DYNC1I1: variants seen among roughly 807,000 people sequenced by gnomAD.
DYNC1I1 encodes dynein cytoplasmic 1 intermediate chain 1.
Under a neutral mutation model 86.6 loss-of-function variants are expected in DYNC1I1, and 43 were observed. That is an observed-to-expected ratio of 0.50 (90% confidence interval 0.39 to 0.64). DYNC1I1 has a LOEUF of 0.64. Among genes scored for constraint, DYNC1I1 ranks in the 30% least tolerant of loss-of-function variants. The pLI is 0.00. For synonymous variants in DYNC1I1, 262 were observed against 283.7 expected, an observed-to-expected ratio of 0.92 and a Z score of 0.77; for missense variants, 604 against 788.8, an observed-to-expected ratio of 0.77 and a Z score of 2.81.
chr7:96,101,914 A>T (rs1342646142), downstream of DYNC1I1, among the ~76,000 whole-genome samples: 2 of 152,020 alleles, frequency 1.3e-5, no homozygotes, highest in Admixed American at 1.3e-4. Flanking sequence ...AAAGGCCTAA[A>T]AGATATAGAG....
chr7:95,911,179 A>G (rs745504476), intron 6 of DYNC1I1, among the ~76,000 whole-genome samples: 2 of 152,174 alleles, frequency 1.3e-5, no homozygotes, highest in Admixed American at 6.5e-5. Flanking sequence ...ATAATCCACA[A>G]TTGTCAAAAA....
At chr7:96,013,349 C>T (rs993164410) in intron 10 of DYNC1I1, among the ~76,000 whole-genome samples, 1 of 152,172 alleles carries the variant, frequency 6.6e-6, no homozygotes, top group Admixed American at 6.5e-5. Flanking sequence ...CAAAAAGAAA[C>T]GTAGCACTGT....
chr7:95,788,151 T>C (rs1425151971), intron 1 of DYNC1I1, among the ~76,000 whole-genome samples: 1 of 152,126 alleles, frequency 6.6e-6, no homozygotes, highest in Non-Finnish European at 1.5e-5. Flanking sequence ...TGACTTGACT[T>C]GTGTTTTAAT....
chr7:96,104,669 A>G (rs999020968), intron 16 of DYNC1I1, among the ~76,000 whole-genome samples: 2 of 152,104 alleles, frequency 1.3e-5, no homozygotes, highest in African/African-American at 2.4e-5. Context: ...TTGGTAGAAA[A>G]ACAATTGTCC....
At chr7:95,868,963 G>A (rs535316824) in intron 5 of DYNC1I1, among the ~76,000 whole-genome samples, 2 of 150,218 alleles carry the variant, frequency 1.3e-5, no homozygotes, top group African/African-American at 2.5e-5. Flanking sequence ...GAGGCACTTC[G>A]ATTTTTGCAG....
At chr7:95,939,945 C>A (rs545466961) in intron 6 of DYNC1I1, among the ~76,000 whole-genome samples, 44 of 152,270 alleles carry the variant, frequency 2.9e-4, no homozygotes, top group Non-Finnish European at 7.3e-5. Context: ...CCAATTGTTC[C>A]TTTCCATGTT....
At chr7:95,960,409 A>G (rs1444917824) in intron 6 of DYNC1I1, among the ~76,000 whole-genome samples, 1 of 152,072 alleles carries the variant, frequency 6.6e-6, no homozygotes, top group Non-Finnish European at 1.5e-5. Flanking sequence ...GCCCGGCCAA[A>G]TGCTGGAATT....
chr7:95,934,952 T>TTG (rs145382652), intron 6 of DYNC1I1, among the ~76,000 whole-genome samples: 2,490 of 149,044 alleles, frequency 0.017, 33 homozygotes, highest in African/African-American at 0.03. Flanking sequence ...GTTTTTTGTT[T>TTG]TGTGTGTGTG....
At chr7:96,004,264 T>G (rs944839505) in intron 10 of DYNC1I1, among the ~76,000 whole-genome samples, 6 of 152,208 alleles carry the variant, frequency 3.9e-5, no homozygotes, top group African/African-American at 1.4e-4. Context: ...AAGATGTTGC[T>G]TTTATTAGGT....
At chr7:95,888,797 A>G (rs2116257980) in intron 6 of DYNC1I1, among the ~76,000 whole-genome samples, 1 of 152,322 alleles carries the variant, frequency 6.6e-6, no homozygotes, top group South Asian at 2.1e-4. Flanking sequence ...TAATTTTTCT[A>G]CTTCTGGGCA....
intron 1 of DYNC1I1, among the ~76,000 whole-genome samples, chr7:95,782,453 A>G (rs886610202): frequency 2.0e-5 from 3 of 152,150 alleles, no homozygotes; most frequent in African/African-American, 7.2e-5. Flanking sequence ...GGGACTTGCA[A>G]TAGAGGTGTT....
At chr7:95,992,190 C>A (rs1236015101) in intron 9 of DYNC1I1, among the ~76,000 whole-genome samples, 2 of 152,130 alleles carry the variant, frequency 1.3e-5, no homozygotes. Context: ...GCTTCTGCCT[C>A]TGTCTTAGCA....
chr7:95,808,233 T>C (rs939995616), intron 2 of DYNC1I1, among the ~76,000 whole-genome samples: 32 of 152,162 alleles, frequency 2.1e-4, no homozygotes, highest in African/African-American at 7.7e-4. Flanking sequence ...TTTTATAAAC[T>C]TTCTTTAGGC....
chr7:95,945,216 G>A (rs929696176), intron 6 of DYNC1I1, among the ~76,000 whole-genome samples: 1 of 151,630 alleles, frequency 6.6e-6, no homozygotes, highest in Non-Finnish European at 1.5e-5. Flanking sequence ...AGGTAGAGGG[G>A]GGAAAAAAGA....
chr7:96,017,103 CTCTT>C (rs1210536144), intron 10 of DYNC1I1, among the ~76,000 whole-genome samples: 1 of 152,162 alleles, frequency 6.6e-6, no homozygotes, highest in Non-Finnish European at 1.5e-5. Flanking sequence ...CAAATTGGAA[CTCTT>C]TCTTCTGTCT....
chr7:96,059,706 A>T lies in DYNC1I1; in HGVS notation c.1510-16351A>T, dbSNP rs530382269. ...TCTGCCCTGAGGAGGGGACACTTTA[A>T]TAGATACGAATCTTCAAAAGTAGTT... On this transcript the variant is annotated intron_variant, in intron 14 of 16. Transcript: ENST00000447467. Among the ~76,000 whole-genome samples the T allele has an allele frequency of 6.6e-5, 10 of 152,312 alleles. No individual in the cohort carries two copies. In the South Asian group the frequency reaches 2.1e-3, roughly 32 times the overall value.
intron 14 of DYNC1I1, among the ~76,000 whole-genome samples, chr7:96,053,061 G>A (rs1467250038): frequency 6.6e-6 from 1 of 152,150 alleles, no homozygotes; most frequent in African/African-American, 2.4e-5. Flanking sequence ...CACAGTAGTT[G>A]ATTGGATTAT....
chr7:96,101,784 A>T (rs1438042904), downstream of DYNC1I1, among the ~76,000 whole-genome samples: 1 of 152,080 alleles, frequency 6.6e-6, no homozygotes, highest in Non-Finnish European at 1.5e-5. Flanking sequence ...CACAGAAGGG[A>T]GGGCCAAATG....
intron 10 of DYNC1I1, among the ~76,000 whole-genome samples, chr7:96,015,803 T>C (rs932675650): frequency 6.6e-6 from 1 of 152,130 alleles, no homozygotes; most frequent in Admixed American, 6.6e-5. Context: ...GGTGTAGAAA[T>C]TGAGGGCTCA....
Sources: gnomAD v4.1 joint callset for allele counts (sites outside exome capture counted in the v4.1 genomes callset) on GRCh38, gnomAD v4.1.1 for gene constraint, MANE v1.5 for transcripts, NCBI Gene and HGNC (gene_info 2026-07-23, HGNC 2026-07-21) for gene names.